Variants in ZNF483 observed in about 807,000 individuals in gnomAD.
ZNF483 encodes zinc finger protein 483.
A neutral mutation model predicts 28.6 loss-of-function variants in ZNF483; 9 were observed. The ratio of observed to expected loss-of-function variants is 0.32; its 90% CI spans 0.19 to 0.55. The LOEUF (loss-of-function observed/expected upper bound fraction) is 0.55, where lower values mean the gene tolerates loss of function less well. Ranked by LOEUF, ZNF483 falls within the 20% of genes least tolerant of loss-of-function variation. ZNF483 has a pLI of 0.93. For synonymous variants in ZNF483, 322 were observed against 306.2 expected (o/e 1.05, Z -0.54); for missense variants, 675 against 871.7 (o/e 0.77, Z 2.84).
rs1373351954 is a variant in ZNF483 at position 111,527,440 on chromosome 9, A to G, written c.45A>G (p.Pro15=). Residue 15 remains proline, a synonymous_variant, in exon 2 of 6, where the codon CCA becomes CCG. Coordinates refer to ENST00000309235, the MANE Select transcript of ZNF483 (RefSeq NM_133464.5). ...VPLNKMTAIS[P]EPQTLASTEQ... ...TGAACAAGATGACAGCCATCTCACC[A>G]GAACCTCAAACTCTGGCCTCGACTG... The G allele has an allele frequency of 4.3e-6, 7 of 1,614,168 alleles. No individual in the cohort carries two copies. The South Asian group carries it at 7.7e-5, about 18-fold the overall frequency.
intron 1 of ZNF483, among the ~76,000 whole-genome samples, chr9:111,526,397 C>G (rs1827187155): frequency 6.6e-6 from 1 of 151,996 alleles, no homozygotes; most frequent in African/African-American, 2.4e-5. Context: ...AGAGACAGTT[C>G]GGTGGCTGGT....
intron 5 of ZNF483, among the ~76,000 whole-genome samples, chr9:111,567,104 C>G (rs73535452): frequency 0.067 from 10,114 of 150,946 alleles, 568 homozygotes; most frequent in African/African-American, 0.14. Flanking sequence ...CAAAAAAAGT[C>G]GGGGGGCGTG....
downstream of ZNF483, among the ~76,000 whole-genome samples, chr9:111,556,063 A>C (rs1275187331): frequency 1.3e-5 from 2 of 152,280 alleles, no homozygotes; most frequent in Non-Finnish European, 2.9e-5. Flanking sequence ...AAGATAGAAC[A>C]GGGGTACAGA....
rs1436988213 is a variant in ZNF483 at position 111,562,910 on chromosome 9, T to C, written c.722-13455T>C. On this transcript the variant is annotated intron_variant, in intron 5 of 5. Coordinates refer to the ZNF483 transcript ENST00000358151. The stretch of plus-strand genomic sequence containing the variant: ...TACCACAACTCAGAAGAAGCTGTAG[T>C]GAACAGTGAGGTGACTGGTTGTTGT... The C allele has an allele frequency of 1.2e-5, 16 of 1,336,264 alleles. No individual in the cohort carries two copies. In the Admixed American group the frequency reaches 5.0e-4, roughly 42 times the overall value. 82.8% of individuals were successfully genotyped at this position (1,336,264 alleles called of 1,614,324 possible).
downstream of ZNF483, among the ~76,000 whole-genome samples, chr9:111,560,374 TG>T (rs1370425522): frequency 6.7e-6 from 1 of 150,256 alleles, no homozygotes; most frequent in African/African-American, 2.5e-5. Flanking sequence ...CTCGGGAGGC[TG>T]AGGCAGGAGA....
Position 111,543,306 on chromosome 9 carries a change from A to G in ZNF483, c.*136A>G, listed in dbSNP as rs937797531. 5 of 1,410,866 alleles carry G rather than the reference A, an allele frequency of 3.5e-6. No individual in the cohort carries two copies. The highest frequency in any genetic ancestry group is 4.6e-6 in the Non-Finnish European group (5 of 1,089,536). The allele number at this position is 1,410,866 out of a possible 1,614,324, so 87.4% of individuals were successfully genotyped here. A position where few individuals can be genotyped will look rare whatever the true frequency, so the allele number is the denominator to read the frequency against. ...AGTTAGGAAAAATATCCTTTTGCCC[A>G]TTCATCCCTCTTCTTTTCAAGGATG... On this transcript the variant is annotated 3_prime_UTR_variant, in exon 6 of 6. Transcript: ENST00000309235.
chr9:111,567,140 G>A (rs1828599874), intron 5 of ZNF483, among the ~76,000 whole-genome samples: 1 of 151,766 alleles, frequency 6.6e-6, no homozygotes, highest in African/African-American at 2.4e-5. Context: ...AGAATGAAGA[G>A]GGAATGCAAC....
chr9:111,563,450 G>A (rs550804134), intron 5 of ZNF483: 3 of 429,946 alleles, frequency 7.0e-6, no homozygotes, highest in Admixed American at 3.8e-5. Context: ...AGAAATAATA[G>A]GTGTCGGATC....
At chr9:111,559,498 G>A (rs1589287560), downstream of ZNF483, among the ~76,000 whole-genome samples, 1 of 151,928 alleles carries the variant, frequency 6.6e-6, no homozygotes, top group Non-Finnish European at 1.5e-5. Flanking sequence ...TATGACTCAA[G>A]CCATGTTCAT....
chr9:111,562,768 G>GC, intron 5 of ZNF483: 1 of 220,064 alleles, frequency 4.5e-6, no homozygotes, highest in Admixed American at 5.5e-5. Flanking sequence ...GCTTCCACAG[G>GC]CCCCAGCGTG....
rs984496823 is a variant in ZNF483 at position 111,552,709 on chromosome 9, C to G, written c.*9539C>G. ...GAATATACCCAGAGTTTTCTTTGGG[C>G]AGTGTCTTGTATCAAACAGTTCATC... On this transcript the variant is annotated 3_prime_UTR_variant, in exon 6 of 6. Coordinates refer to ENST00000309235, the MANE Select transcript of ZNF483 (RefSeq NM_133464.5). Among the ~76,000 whole-genome samples, 1 of 152,086 alleles carries G rather than the reference C, an allele frequency of 6.6e-6. No homozygotes were observed. The highest frequency in any genetic ancestry group is 1.5e-5 in the Non-Finnish European group (1 of 67,996).
intron 2 of ZNF483, 37 bp from the exon 3 acceptor site, chr9:111,530,838 G>T: frequency 1.4e-6 from 1 of 723,174 alleles, no homozygotes; most frequent in Non-Finnish European, 2.0e-6. Context: ...TGAGGAATCT[G>T]TATGAACGAC....
chr9:111,532,812 G>A (rs1827382157), intron 3 of ZNF483, among the ~76,000 whole-genome samples: 1 of 152,018 alleles, frequency 6.6e-6, no homozygotes, highest in Non-Finnish European at 1.5e-5. Flanking sequence ...GAGAGGCTGA[G>A]GCATGAGAAT....
chr9:111,541,928 G>A lies in ZNF483; in HGVS notation c.993G>A (p.Arg331=). Residue 331 remains arginine, a synonymous_variant, in exon 6 of 6, where the codon AGG becomes AGA. Transcript: ENST00000309235. ...LRVYLRKKSR[R]YNESKKPFSF... ...TCTACTTGAGGAAGAAATCTCGGAG[G>A]TATAATGAAAGCAAGAAACCCTTCA... 6.2e-7 allele frequency: 1 copy of A among 1,614,112 alleles called. No homozygotes were observed. Among genetic ancestry groups the A allele is most frequent in the African/African-American group, 1.3e-5 (1 of 75,044 alleles).
Position 111,537,865 on chromosome 9 carries a change from AAACT to A in ZNF483, c.721+3513_721+3516del, listed in dbSNP as rs1374939213. ...TGGTCTCCAACTCCTGGGCTCAAAC[AAACT>A]GTTTGCCTTGGCCTCCCAAAGTGGT... On this transcript the variant is annotated intron_variant, in intron 5 of 5. Coordinates refer to ENST00000309235, the MANE Select transcript of ZNF483 (RefSeq NM_133464.5). 1.6e-4 allele frequency among the ~76,000 whole-genome samples: 25 copies of A among 151,794 alleles called. 1 individual carries two copies. Among genetic ancestry groups the A allele is most frequent in the Admixed American group, 6.6e-5 (1 of 15,246 alleles).
In ZNF483 at chr9:111,554,723, T is replaced by A. The variant is rs1828070613; in HGVS notation, c.*11553T>A. On this transcript the variant is annotated 3_prime_UTR_variant, in exon 6 of 6. Transcript: ENST00000309235. ...CAGGCTACTCAGAACATACTGGAATTTTTTATTTCTGGAATTTTCTATTTA... is the reference window on the plus strand; with the variant it reads ...CAGGCTACTCAGAACATACTGGAATATTTTATTTCTGGAATTTTCTATTTA... 6.6e-6 allele frequency among the ~76,000 whole-genome samples: 1 copy of A among 152,174 alleles called. No homozygotes were observed. The highest frequency in any genetic ancestry group is 2.1e-4 in the South Asian group (1 of 4,830).
Position 111,554,517 on chromosome 9 carries a change from G to A in ZNF483, c.*11347G>A, listed in dbSNP as rs1828064795. On this transcript the variant is annotated 3_prime_UTR_variant, in exon 6 of 6. Transcript: ENST00000309235. ...CATGGGGGATATGCTCCAAGACCTC[G>A]AGTGGATGCCTGCAACCTCAGATAG... Among the ~76,000 whole-genome samples, 2 of 152,102 alleles carry A rather than the reference G, an allele frequency of 1.3e-5. No homozygotes were observed. The highest frequency in any genetic ancestry group is 2.1e-4 in the South Asian group (1 of 4,822).
intron 5 of ZNF483, chr9:111,564,046 A>T: frequency 5.8e-6 from 1 of 173,180 alleles, no homozygotes; most frequent in Non-Finnish European, 1.3e-5. Flanking sequence ...GGTTCATGTT[A>T]GTGAGAAAGG....
In ZNF483 at chr9:111,553,472, A is replaced by G. The variant is rs572541013; in HGVS notation, c.*10302A>G. Among the ~76,000 whole-genome samples, 17 of 152,310 alleles carry G rather than the reference A, an allele frequency of 1.1e-4. No homozygotes were observed. The highest frequency in any genetic ancestry group is 4.1e-4 in the African/African-American group (17 of 41,580). ...TATCACTGTAACTTGTGCTGTTTGC[A>G]TAGGTATACTCTATCTTGTGCTATC... On this transcript the variant is annotated 3_prime_UTR_variant, in exon 6 of 6. Transcript: ENST00000309235.
Sources: allele counts gnomAD v4.1 joint callset (sites outside exome capture counted in the v4.1 genomes callset), GRCh38; gene constraint gnomAD v4.1.1; transcripts MANE v1.5; gene names NCBI Gene and HGNC (gene_info 2026-07-23, HGNC 2026-07-21).